Variants in PAK3 observed in about 807,000 individuals in gnomAD.
PAK3 encodes the protein p21 (RAC1) activated kinase 3.
In PAK3, 4 loss-of-function variants were observed where a neutral mutation model predicts 41.0. The observed-to-expected ratio is 0.10, with a 90% CI of 0.05 to 0.22. The LOEUF is 0.22. PAK3 is among the 10% of genes least tolerant of loss of function. The pLI is 1.00. For missense variants in PAK3, 205 were observed against 409.9 expected (o/e 0.50, Z 4.32); for synonymous variants, 146 against 139.6 (o/e 1.05, Z -0.32).
At chrX:111,209,286 A>C (rs1393260224) in intron 16 of PAK3, among the ~76,000 whole-genome samples, 2 of 111,858 alleles carry the variant, frequency 1.8e-5, no homozygotes, top group Non-Finnish European at 3.8e-5. Flanking sequence ...GACATTGGGC[A>C]AGTTCTTCTT....
At chrX:111,120,096 TC>T (rs1161936021) in intron 4 of PAK3, among the ~76,000 whole-genome samples, 1 of 112,472 alleles carries the variant, frequency 8.9e-6, no homozygotes, top group Non-Finnish European at 1.9e-5. Context: ...TTCTTCAGTT[TC>T]ACTTGTGTCT....
chrX:111,178,419 G>T lies in PAK3; in HGVS notation c.830+5338G>T, dbSNP rs1314948465. ...AACTTGAAGAAAAAGAAAGAGACAGGATTCTGAACTCAGGGCTGTAGAAAA... is the reference window on the plus strand; with the variant it reads ...AACTTGAAGAAAAAGAAAGAGACAGTATTCTGAACTCAGGGCTGTAGAAAA... On this transcript the variant is annotated intron_variant, in intron 11 of 17. Transcript: ENST00000372007. 2.7e-5 allele frequency among the ~76,000 whole-genome samples: 3 copies of T among 111,603 alleles called. No homozygotes were observed. The Admixed American group carries it at 2.9e-4, about 11-fold the overall frequency.
At chrX:111,018,958 C>T in intron 1 of PAK3, among the ~76,000 whole-genome samples, 1 of 111,063 alleles carries the variant, frequency 9.0e-6, no homozygotes, top group Non-Finnish European at 1.9e-5. Context: ...CTTTTTGTAC[C>T]CTTTTGACAA....
At chrX:111,217,606 G>A in intron 17 of PAK3, 1 of 960,154 alleles carries the variant, frequency 1.0e-6, no homozygotes, top group Middle Eastern at 3.0e-4. Context: ...ATCATACCTG[G>A]AATAAACCTA....
upstream of PAK3, among the ~76,000 whole-genome samples, chrX:111,093,426 C>T (rs1005232636): frequency 9.0e-6 from 1 of 111,321 alleles, no homozygotes; most frequent in African/African-American, 3.3e-5. Flanking sequence ...CAAAGAGCTC[C>T]CAAGCAAGAG....
intron 17 of PAK3, chrX:111,217,741 C>G: frequency 2.4e-6 from 1 of 415,718 alleles, no homozygotes; most frequent in Non-Finnish European, 3.0e-6. Flanking sequence ...ATTAATCCAG[C>G]CTCAAATTAC....
At chrX:111,140,692 C>T (rs771907750) in intron 5 of PAK3, among the ~76,000 whole-genome samples, 6 of 111,374 alleles carry the variant, frequency 5.4e-5, no homozygotes, top group Non-Finnish European at 9.4e-5. Flanking sequence ...CATGGCCAGA[C>T]AAAGGCCTTG....
rs192177635 is a variant in PAK3, at chrX:111,130,303, T to C, written c.175+7025T>C. On this transcript the variant is annotated intron_variant, in intron 5 of 17. Coordinates refer to ENST00000372007, the MANE Select transcript of PAK3 (RefSeq NM_002578.5). ...TCATCCTCACGGAACATCTGACCTG[T>C]GAATTGGGCTTGTGGTCACTCTTGC... Among the ~76,000 whole-genome samples the C allele has an allele frequency of 3.3e-4, 37 of 111,824 alleles. No homozygotes were observed. The East Asian group carries it at 0.01, about 31-fold the overall frequency.
intron 1 of PAK3, among the ~76,000 whole-genome samples, chrX:110,995,870 C>T (rs2148677465): frequency 9.0e-6 from 1 of 111,563 alleles, no homozygotes; most frequent in African/African-American, 3.3e-5. Flanking sequence ...GACCCTCTAC[C>T]AACAATTGAA....
intron 10 of PAK3, among the ~76,000 whole-genome samples, chrX:111,164,015 G>A (rs1317583439): frequency 8.9e-6 from 1 of 112,185 alleles, no homozygotes; most frequent in African/African-American, 3.2e-5. Flanking sequence ...AAAGAGAATA[G>A]TCTGATAAAA....
chrX:111,029,604 T>A (rs1332983582), intron 1 of PAK3, among the ~76,000 whole-genome samples: 7 of 112,060 alleles, frequency 6.2e-5, no homozygotes, highest in Non-Finnish European at 5.6e-5. Flanking sequence ...TACCGTAAGC[T>A]TGCATCATCT....
At chrX:110,999,710 A>C (rs2091813725) in intron 1 of PAK3, among the ~76,000 whole-genome samples, 2 of 108,335 alleles carry the variant, frequency 1.8e-5, no homozygotes, top group African/African-American at 6.8e-5. Flanking sequence ...GCAGTGGCTC[A>C]TGTCTGTAAT....
chrX:111,082,303 A>G (rs1288742485), intron 1 of PAK3, among the ~76,000 whole-genome samples: 1 of 111,967 alleles, frequency 8.9e-6, no homozygotes, highest in Non-Finnish European at 1.9e-5. Context: ...GAGGCTCTCT[A>G]TTACATAGGT....
intron 8 of PAK3, among the ~76,000 whole-genome samples, chrX:111,153,252 T>G (rs900250068): frequency 2.7e-5 from 3 of 111,803 alleles, no homozygotes; most frequent in African/African-American, 9.7e-5. Flanking sequence ...TTTGGAGAAA[T>G]TAAATAACTT....
intron 1 of PAK3, among the ~76,000 whole-genome samples, chrX:110,953,582 C>T (rs1265251087): frequency 1.8e-5 from 2 of 112,173 alleles, no homozygotes; most frequent in African/African-American, 3.2e-5. Context: ...TGGGAGAAGA[C>T]TGGAACACCC....
At chrX:111,152,709 T>A (rs1192414565) in intron 8 of PAK3, 5 of 250,506 alleles carry the variant, frequency 2.0e-5, no homozygotes, top group Non-Finnish European at 3.6e-5. Flanking sequence ...CTACTTACAG[T>A]TAACTCCACC....
chrX:110,971,831 T>A (rs183046200), intron 1 of PAK3, among the ~76,000 whole-genome samples: 229 of 112,332 alleles, frequency 2.0e-3, no homozygotes, highest in African/African-American at 7.0e-3. Flanking sequence ...CATCTTTTTA[T>A]CCATTTTGGG....
chrX:111,129,808 G>A (rs2093694356), intron 5 of PAK3, among the ~76,000 whole-genome samples: 1 of 111,486 alleles, frequency 9.0e-6, no homozygotes, highest in East Asian at 2.8e-4. Flanking sequence ...AGGATGGATG[G>A]AATAAGAGGG....
At chrX:111,141,611 T>A (rs150533805) in intron 5 of PAK3, among the ~76,000 whole-genome samples, 2,216 of 112,250 alleles carry the variant, frequency 0.02, 46 homozygotes, top group African/African-American at 0.063. Context: ...TGGTTAATAA[T>A]AGAAACATGT....
Sources: allele counts gnomAD v4.1 joint callset (sites outside exome capture counted in the v4.1 genomes callset), GRCh38; gene constraint gnomAD v4.1.1; transcripts MANE v1.5; gene names NCBI Gene and HGNC (gene_info 2026-07-23, HGNC 2026-07-21).